The following CADM2 variants were observed in gnomAD, a reference collection of about 807,000 sequenced individuals.
CADM2 encodes cell adhesion molecule 2, also known as immunoglobulin superfamily member 4D.
A neutral mutation model predicts 49.8 loss-of-function variants in CADM2; 12 were observed. The observed-to-expected ratio is 0.24, with a 90% confidence interval of 0.15 to 0.39. The LOEUF is 0.39. Among genes scored for constraint, CADM2 ranks in the 10% least tolerant of loss-of-function variants. CADM2 has a pLI of 1.00. For synonymous variants in CADM2, 214 were observed against 175.4 expected, an observed-to-expected ratio of 1.22 and a Z score of -1.74; for missense variants, 378 against 492.3, an observed-to-expected ratio of 0.77 and a Z score of 2.20.
intron 1 of CADM2, among the ~76,000 whole-genome samples, chr3:85,185,330 GA>G (rs35913630): frequency 0.18 from 26,727 of 144,942 alleles, 4,470 homozygotes; most frequent in African/African-American, 0.45. Context: ...AACAAAAAAT[GA>G]AAAAAAAAAA....
chr3:85,905,993 A>G (rs1012093163), intron 5 of CADM2, among the ~76,000 whole-genome samples: 1 of 152,196 alleles, frequency 6.6e-6, no homozygotes, highest in African/African-American at 2.4e-5. Context: ...GCAGGACTCC[A>G]TGAAACAAAT....
intron 1 of CADM2, among the ~76,000 whole-genome samples, chr3:85,541,737 A>ATATATATTT (rs1336451271): frequency 1.4e-5 from 1 of 73,926 alleles, no homozygotes; most frequent in Non-Finnish European, 2.9e-5. Flanking sequence ...TATATTTTAT[A>ATATATATTT]TATATATTTT....
At chr3:85,725,673 T>C (rs1318510080) in intron 1 of CADM2, among the ~76,000 whole-genome samples, 2 of 152,040 alleles carry the variant, frequency 1.3e-5, no homozygotes, top group Admixed American at 6.6e-5. Context: ...ACTTCTGCTT[T>C]AAACAATGTT....
chr3:85,642,060 C>CA (rs1019992944), intron 1 of CADM2, among the ~76,000 whole-genome samples: 21 of 151,402 alleles, frequency 1.4e-4, no homozygotes, highest in African/African-American at 9.7e-5. Context: ...AAAATTGATA[C>CA]AAAAAAAAGA....
intron 1 of CADM2, among the ~76,000 whole-genome samples, chr3:85,457,177 C>T (rs1576590256): frequency 2.0e-5 from 3 of 152,204 alleles, no homozygotes. Flanking sequence ...CTTTGGGAGG[C>T]TGAGGCAGGT....
At chr3:85,596,372 C>T (rs2326381) in intron 1 of CADM2, among the ~76,000 whole-genome samples, 132,966 of 151,998 alleles carry the variant, frequency 0.87, 58,289 homozygotes, top group East Asian at 0.95. Flanking sequence ...AATGATTTAA[C>T]AGTGAATACT....
intron 1 of CADM2, among the ~76,000 whole-genome samples, chr3:85,409,293 T>A (rs1417095160): frequency 6.6e-6 from 1 of 152,182 alleles, no homozygotes; most frequent in African/African-American, 2.4e-5. Context: ...CCAAATGCTC[T>A]TTATCATCTT....
At chr3:85,753,769 GC>G (rs2068973223) in intron 2 of CADM2, among the ~76,000 whole-genome samples, 3 of 152,128 alleles carry the variant, frequency 2.0e-5, no homozygotes, top group Admixed American at 6.6e-5. Context: ...GTTAGTGGCC[GC>G]GAACTCGTAT....
In CADM2 at chr3:86,040,128, G is replaced by A. The variant is rs562886925; in HGVS notation, c.971-25477G>A. ...CAAAGGTAGAAAAAACCACAAAGAT[G>A]GGGAAAAAACAGAGCAGAAAAACTG... is the stretch of plus-strand genomic sequence containing the variant. On this transcript the variant is annotated intron_variant, in intron 8 of 9. Coordinates refer to ENST00000383699, the MANE Select transcript of CADM2 (RefSeq NM_001167675.2). 3.8e-3 allele frequency among the ~76,000 whole-genome samples: 582 copies of A among 152,102 alleles called. 2 individuals are homozygous for A. The highest frequency in any genetic ancestry group is 0.013 in the African/African-American group (558 of 41,502).
At chr3:85,127,030 AGAGAACATTATTT>A (rs1189688923) in intron 1 of CADM2, among the ~76,000 whole-genome samples, 12 of 152,192 alleles carry the variant, frequency 7.9e-5, no homozygotes. Flanking sequence ...TAGGAGAGTC[AGAGAACATTATTT>A]TTAAGGACAA....
chr3:85,206,410 C>A (rs2041637048), intron 1 of CADM2, among the ~76,000 whole-genome samples: 1 of 151,306 alleles, frequency 6.6e-6, no homozygotes, highest in African/African-American at 2.4e-5. Context: ...CAGGTTCACA[C>A]CATTCTCCTG....
intron 1 of CADM2, among the ~76,000 whole-genome samples, chr3:85,206,022 A>G (rs2041623983): frequency 6.6e-6 from 1 of 152,172 alleles, no homozygotes; most frequent in African/African-American, 2.4e-5. Flanking sequence ...GAAAAGAAGA[A>G]AAAACAAAAC....
intron 1 of CADM2, among the ~76,000 whole-genome samples, chr3:85,670,968 A>T (rs1292040775): frequency 6.6e-6 from 1 of 152,134 alleles, no homozygotes; most frequent in East Asian, 1.9e-4. Context: ...TGCCAAAGAA[A>T]AGTCAAAGTG....
At chr3:85,590,871 T>A (rs1425200088) in intron 1 of CADM2, among the ~76,000 whole-genome samples, 1 of 151,872 alleles carries the variant, frequency 6.6e-6, no homozygotes, top group African/African-American at 2.4e-5. Flanking sequence ...GTTTTTAGGT[T>A]ATACTATACT....
intron 1 of CADM2, among the ~76,000 whole-genome samples, chr3:85,606,663 C>T (rs1307935077): frequency 6.6e-6 from 1 of 152,028 alleles, no homozygotes; most frequent in Non-Finnish European, 1.5e-5. Context: ...ATGAAGACTT[C>T]AGGGAACAGT....
At chr3:85,899,038 T>C (rs1715736491) in intron 5 of CADM2, among the ~76,000 whole-genome samples, 1 of 139,724 alleles carries the variant, frequency 7.2e-6, no homozygotes, top group Admixed American at 7.6e-5. Flanking sequence ...CAATCTTGGC[T>C]CACTGCAACC....
chr3:85,446,991 C>CATATATAT lies in CADM2; in HGVS notation c.62-279498_62-279491dup, dbSNP rs141177883. Among the ~76,000 whole-genome samples the CATATATAT allele has an allele frequency of 4.5e-3, 247 of 54,532 alleles. 7 individuals carry two copies. Among genetic ancestry groups the CATATATAT allele is most frequent in the South Asian group, 7.5e-3 (7 of 936 alleles). The allele number at this position is 54,532 out of a possible 152,430, so 35.8% of individuals were successfully genotyped here. ...AATGACTTAAGCCTAATATGTATTG[C>CATATATAT]ATATATATATATATATATATATATA... On this transcript the variant is annotated intron_variant, in intron 1 of 9. Transcript: ENST00000383699.
intron 8 of CADM2, among the ~76,000 whole-genome samples, chr3:85,967,654 C>T (rs771871453): frequency 6.6e-6 from 1 of 151,524 alleles, no homozygotes; most frequent in Non-Finnish European, 1.5e-5. Context: ...TCCTTTTGTG[C>T]TTCATAGTAA....
chr3:84,986,008 G>C lies in CADM2; in HGVS notation c.61+26340G>C, dbSNP rs567416262. 7.7e-4 allele frequency among the ~76,000 whole-genome samples: 117 copies of C among 152,250 alleles called. 1 individual carries two copies. The highest frequency in any genetic ancestry group is 6.8e-3 in the Middle Eastern group (2 of 294). On this transcript the variant is annotated intron_variant, in intron 1 of 9. Coordinates refer to ENST00000383699, the MANE Select transcript of CADM2 (RefSeq NM_001167675.2). ...TGCTGCTGAGTAAGCGTTTCTGAAA[G>C]CCTCTCAATGAACTTCATCAGACAA...
Sources: allele counts gnomAD v4.1 joint callset (sites outside exome capture counted in the v4.1 genomes callset), GRCh38; gene constraint gnomAD v4.1.1; transcripts MANE v1.5; gene names NCBI Gene and HGNC (gene_info 2026-07-23, HGNC 2026-07-21).